The following POU2F2 variants were observed in gnomAD, a reference collection of about 807,000 sequenced individuals.
The protein encoded by POU2F2 is POU class 2 homeobox 2, also known as POU domain, class 2, transcription factor 2.
Under a neutral mutation model 63.5 loss-of-function variants are expected in POU2F2, and 14 were observed. The ratio of observed to expected loss-of-function variants is 0.22; its 90% confidence interval spans 0.15 to 0.34. POU2F2 has a LOEUF of 0.34. Among genes scored for constraint, POU2F2 ranks in the 10% least tolerant of loss-of-function variants. The pLI is 1.00. For synonymous variants in POU2F2, 306 were observed against 348.6 expected (o/e 0.88, Z 1.36); for missense variants, 607 against 815.2 (o/e 0.74, Z 3.11).
At chr19:42,174,359 C>T (rs1161822479) in intron 1 of POU2F2, among the ~76,000 whole-genome samples, 2 of 152,230 alleles carry the variant, frequency 1.3e-5, no homozygotes, top group Non-Finnish European at 2.9e-5. Context: ...GCTGCACATA[C>T]AAAGTGTCAC....
chr19:42,148,989 C>T (rs749958267), intron 2 of POU2F2, among the ~76,000 whole-genome samples: 4 of 151,940 alleles, frequency 2.6e-5, no homozygotes, highest in East Asian at 3.9e-4. Flanking sequence ...GACCTGCCCA[C>T]GTCTGCAGCT....
At chr19:42,093,712 A>C in intron 12 of POU2F2, 117 bp downstream of exon 12, 1 of 1,033,084 alleles carries the variant, frequency 9.7e-7, no homozygotes, top group Non-Finnish European at 1.4e-6. Context: ...TCCCCCACCC[A>C]CACTCCCCAG....
At chr19:42,145,985 A>G (rs2034223148) in intron 2 of POU2F2, among the ~76,000 whole-genome samples, 1 of 148,710 alleles carries the variant, frequency 6.7e-6, no homozygotes, top group South Asian at 2.2e-4. Context: ...ATGAGCCGAG[A>G]TCGCGCCACT....
At chr19:42,132,249 A>C in intron 1 of POU2F2, 135 bp downstream of exon 1, 1 of 976,748 alleles carries the variant, frequency 1.0e-6, no homozygotes, top group Non-Finnish European at 1.5e-6. Context: ...CCGGCATGGG[A>C]GAGAGGGAGT....
chr19:42,107,497 A>G (rs1486015470), intron 5 of POU2F2, among the ~76,000 whole-genome samples: 1 of 152,248 alleles, frequency 6.6e-6, no homozygotes, highest in African/African-American at 2.4e-5. Flanking sequence ...GTAATTTCAA[A>G]GCAATCATGA....
intron 5 of POU2F2, 83 bp from the exon 6 acceptor site, chr19:42,099,904 G>C: frequency 1.8e-6 from 2 of 1,123,044 alleles, no homozygotes; most frequent in Non-Finnish European, 1.3e-6. Context: ...ACCTTGAGGG[G>C]CTGAAACCAG....
chr19:42,179,273 A>G (rs2034933359), upstream of POU2F2, among the ~76,000 whole-genome samples: 1 of 151,882 alleles, frequency 6.6e-6, no homozygotes, highest in Non-Finnish European at 1.5e-5. Flanking sequence ...AGGGGAAGAA[A>G]GAGAGGAGGG....
At chr19:42,144,020 A>G (rs1442694582) in intron 2 of POU2F2, among the ~76,000 whole-genome samples, 1 of 152,170 alleles carries the variant, frequency 6.6e-6, no homozygotes, top group African/African-American at 2.4e-5. Flanking sequence ...CACAGGGAGC[A>G]TGTGTGTCCC....
intron 5 of POU2F2, among the ~76,000 whole-genome samples, chr19:42,109,551 A>T (rs2146485227): frequency 6.6e-6 from 1 of 152,366 alleles, no homozygotes; most frequent in Non-Finnish European, 1.5e-5. Context: ...TCAGTGAGAT[A>T]ACAGGAATAC....
intron 5 of POU2F2, among the ~76,000 whole-genome samples, chr19:42,111,265 A>C (rs1479511115): frequency 6.6e-6 from 1 of 151,124 alleles, no homozygotes; most frequent in Non-Finnish European, 1.5e-5. Flanking sequence ...GGCTATGGGC[A>C]TGCATCACCA....
At chr19:42,179,819 A>G (rs544039237), upstream of POU2F2, among the ~76,000 whole-genome samples, 5 of 152,274 alleles carry the variant, frequency 3.3e-5, no homozygotes, top group African/African-American at 1.2e-4. Context: ...CAGCGTGTGC[A>G]TAATAGACAC....
intron 1 of POU2F2, among the ~76,000 whole-genome samples, chr19:42,167,302 A>C (rs912405896): frequency 1.3e-5 from 2 of 152,044 alleles, no homozygotes; most frequent in African/African-American, 4.8e-5. Flanking sequence ...AAAAATACAA[A>C]AATTAGGTAG....
chr19:42,179,603 G>A (rs914179383), upstream of POU2F2, among the ~76,000 whole-genome samples: 12 of 152,182 alleles, frequency 7.9e-5, no homozygotes, highest in East Asian at 7.7e-4. Context: ...AGCTGCAACC[G>A]CCCTTCGCTT....
chr19:42,186,109 A>G (rs1488179987), intron 1 of POU2F2, among the ~76,000 whole-genome samples: 1 of 152,066 alleles, frequency 6.6e-6, no homozygotes. Context: ...TCATGAGGTC[A>G]GGAGATTGAG....
In POU2F2 at chr19:42,113,392, G is replaced by A. The variant is rs114942030; in HGVS notation, c.369+3858C>T. Among the ~76,000 whole-genome samples, 1,187 of 152,268 alleles carry A rather than the reference G, an allele frequency of 7.8e-3. 16 individuals are homozygous for A. Among genetic ancestry groups the A allele is most frequent in the African/African-American group, 0.027 (1,138 of 41,544 alleles). On this transcript the variant is annotated intron_variant, in intron 5 of 14. Transcript: ENST00000692977. ...GCAGAAGGCAGCACACTGAGCAATG[G>A]ACAGACAAATTATAGAACTGTATTA... is the stretch of plus-strand genomic sequence containing the variant.
At chr19:42,118,422 C>T (rs2032189094) in intron 4 of POU2F2, among the ~76,000 whole-genome samples, 1 of 152,178 alleles carries the variant, frequency 6.6e-6, no homozygotes, top group Non-Finnish European at 1.5e-5. Flanking sequence ...TCTTATCTGG[C>T]TCCTACTCAG....
At chr19:42,176,441 T>C (rs969067210), upstream of POU2F2, among the ~76,000 whole-genome samples, 2 of 152,012 alleles carry the variant, frequency 1.3e-5, no homozygotes, top group African/African-American at 4.8e-5. Flanking sequence ...CTTTCTCTAG[T>C]CTGCGCTCTT....
intron 1 of POU2F2, among the ~76,000 whole-genome samples, chr19:42,127,881 C>CA: frequency 6.6e-6 from 1 of 152,080 alleles, no homozygotes; most frequent in East Asian, 1.9e-4. Context: ...AAACACTCCC[C>CA]AGCAGAAGAC....
At chr19:42,104,567 G>A (rs1033348188) in intron 5 of POU2F2, among the ~76,000 whole-genome samples, 1 of 152,076 alleles carries the variant, frequency 6.6e-6, no homozygotes, top group Non-Finnish European at 1.5e-5. Flanking sequence ...TCCTGACATG[G>A]AACAATCTGC....
Sources: allele counts gnomAD v4.1 joint callset (sites outside exome capture counted in the v4.1 genomes callset), GRCh38; gene constraint gnomAD v4.1.1; transcripts MANE v1.5; gene names NCBI Gene and HGNC (gene_info 2026-07-23, HGNC 2026-07-21).